Variants in RNF138 observed in about 807,000 individuals in gnomAD.
RNF138 encodes the protein E3 ubiquitin-protein ligase RNF138.
RNF138 carries 12 observed loss-of-function variants against 31.0 expected under a neutral mutation model. The ratio of observed to expected loss-of-function variants is 0.39; its 90% confidence interval spans 0.25 to 0.63. The LOEUF is 0.63. RNF138 is among the 20% of genes least tolerant of loss of function. The pLI is 0.52. For missense variants in RNF138, 192 were observed against 300.1 expected (o/e 0.64, Z 2.66); for synonymous variants, 105 against 99.5 (o/e 1.06, Z -0.33).
chr18:32,092,420 G>C (rs1053263034), intron 1 of RNF138, among the ~76,000 whole-genome samples, 185 bp downstream of exon 1: 4 of 151,950 alleles, frequency 2.6e-5, no homozygotes, highest in Non-Finnish European at 5.9e-5. Context: ...CCCGCGCCTG[G>C]AGCCCGGTGA....
At chr18:32,126,829 T>G (rs2040391708) in intron 7 of RNF138, 29 bp downstream of exon 7, 1 of 1,295,688 alleles carries the variant, frequency 7.7e-7, no homozygotes, top group South Asian at 1.2e-5. Flanking sequence ...ATTAAGAAAG[T>G]ACTGTTTAAA....
At chr18:32,125,641 T>C (rs963182882) in intron 6 of RNF138, among the ~76,000 whole-genome samples, 1 of 152,200 alleles carries the variant, frequency 6.6e-6, no homozygotes, top group African/African-American at 2.4e-5. Flanking sequence ...TGTGAAAGAA[T>C]GTGCTTCAGG....
intron 2 of RNF138, among the ~76,000 whole-genome samples, chr18:32,098,699 A>G (rs898782119): frequency 7.2e-5 from 11 of 151,976 alleles, no homozygotes; most frequent in Admixed American, 5.9e-4. Flanking sequence ...AAAAATACAA[A>G]AAAATTAGCC....
rs2040214787 is a variant in RNF138, at chr18:32,116,251, CCTT to C, written c.392+2392_392+2394del. Reference sequence around the variant, plus strand: ...GCCAGCTGATTGACTTTTTTCTTCTCCTTGAAGACTTAGACCAAGTGTTAGCTA... The same window carrying C: ...GCCAGCTGATTGACTTTTTTCTTCTCGAAGACTTAGACCAAGTGTTAGCTA... On this transcript the variant is annotated intron_variant, in intron 4 of 7. Coordinates refer to ENST00000261593, the MANE Select transcript of RNF138 (RefSeq NM_016271.5). Among the ~76,000 whole-genome samples, 3 of 152,228 alleles carry C rather than the reference CCTT, an allele frequency of 2.0e-5. No homozygotes were observed. The South Asian group carries it at 6.2e-4, about 32-fold the overall frequency.
intron 2 of RNF138, among the ~76,000 whole-genome samples, chr18:32,107,677 T>C (rs2040057585): frequency 6.6e-6 from 1 of 150,886 alleles, no homozygotes. Flanking sequence ...TGTGCCACCA[T>C]GCCTGGCTAA....
rs1399417843 is a variant in RNF138, at chr18:32,092,729, C to T, written c.-48C>T. The stretch of plus-strand genomic sequence containing the variant: ...TCGGGCCCCGGGCCGCCACCGTCAC[C>T]TCGGCCGCTGCCGCTGTCGCCATCG... On this transcript the variant is annotated 5_prime_UTR_variant, in exon 2 of 8. Coordinates refer to ENST00000261593, the MANE Select transcript of RNF138 (RefSeq NM_016271.5). The T allele has an allele frequency of 6.9e-6, 9 of 1,300,400 alleles. No homozygotes were observed. In the South Asian group the frequency reaches 7.7e-5, roughly 11 times the overall value. The allele number at this position is 1,300,400 out of a possible 1,614,324, so 80.6% of individuals were successfully genotyped here.
At chr18:32,094,220 A>C (rs1598841482) in intron 2 of RNF138, among the ~76,000 whole-genome samples, 1 of 144,182 alleles carries the variant, frequency 6.9e-6, no homozygotes, top group Non-Finnish European at 1.5e-5. Context: ...TTTTTTTTTG[A>C]GGTGAGGTTC....
chr18:32,119,485 C>T (rs1442685107), intron 4 of RNF138, among the ~76,000 whole-genome samples: 3 of 152,064 alleles, frequency 2.0e-5, no homozygotes, highest in East Asian at 1.9e-4. Flanking sequence ...AGTGCAATGG[C>T]GTGATCTCAG....
In RNF138 at chr18:32,129,847, T is replaced by A. The variant is rs1383771942; in HGVS notation, c.*660T>A. On this transcript the variant is annotated 3_prime_UTR_variant, in exon 8 of 8. Coordinates refer to ENST00000261593, the MANE Select transcript of RNF138 (RefSeq NM_016271.5). ...GGAAATACAAAGAGAAAAATTTCTT[T>A]CTTTCATGGGCATTTGATAATTTCA... The A allele has an allele frequency of 6.6e-5, 10 of 152,460 alleles. No homozygotes were observed. The East Asian group carries it at 1.9e-3, about 29-fold the overall frequency. 9.4% of individuals were successfully genotyped at this position (152,460 alleles called of 1,614,324 possible).
chr18:32,094,071 G>A (rs2039760650), intron 2 of RNF138, among the ~76,000 whole-genome samples: 1 of 152,272 alleles, frequency 6.6e-6, no homozygotes, highest in Admixed American at 6.5e-5. Flanking sequence ...GATTAAAGGC[G>A]TGAGCCACCG....
intron 2 of RNF138, among the ~76,000 whole-genome samples, chr18:32,101,334 T>C (rs1474410584): frequency 6.6e-6 from 1 of 151,348 alleles, no homozygotes. Flanking sequence ...TTCTTCTACC[T>C]CAGTCTTCTG....
At chr18:32,122,184 C>A (rs2040317271) in intron 4 of RNF138, among the ~76,000 whole-genome samples, 1 of 151,996 alleles carries the variant, frequency 6.6e-6, no homozygotes, top group Non-Finnish European at 1.5e-5. Flanking sequence ...TGTATTTTAA[C>A]AGTGAAGTCT....
At position 32,129,829 on chromosome 18, in the gene RNF138, C is replaced by A. The variant is rs969406077; in HGVS notation, c.*642C>A. 2.6e-5 allele frequency: 4 copies of A among 152,552 alleles called. No individual in the cohort carries two copies. Among genetic ancestry groups the A allele is most frequent in the African/African-American group, 9.6e-5 (4 of 41,558 alleles). The allele number at this position is 152,552 out of a possible 1,614,324, so 9.4% of individuals were successfully genotyped here. On this transcript the variant is annotated 3_prime_UTR_variant, in exon 8 of 8. Transcript: ENST00000261593. Reference sequence around the variant, plus strand: ...TTCTTTTTGTTATTAGAAGGAAATACAAAGAGAAAAATTTCTTTCTTTCAT... The same window carrying A: ...TTCTTTTTGTTATTAGAAGGAAATAAAAAGAGAAAAATTTCTTTCTTTCAT...
chr18:32,097,770 G>A (rs956234096), intron 2 of RNF138, among the ~76,000 whole-genome samples: 11 of 151,968 alleles, frequency 7.2e-5, no homozygotes, highest in African/African-American at 2.4e-4. Flanking sequence ...TGATCTGCCC[G>A]CCTTGGCCTC....
chr18:32,100,538 C>T (rs1277116326), intron 2 of RNF138, among the ~76,000 whole-genome samples: 2 of 139,498 alleles, frequency 1.4e-5, no homozygotes, highest in East Asian at 4.3e-4. Flanking sequence ...TGCAATGGCG[C>T]GATCTCGGCT....
At chr18:32,119,268 T>TA (rs2040265338) in intron 4 of RNF138, among the ~76,000 whole-genome samples, 1 of 152,188 alleles carries the variant, frequency 6.6e-6, no homozygotes, top group Admixed American at 6.5e-5. Context: ...TCTCTCATTT[T>TA]ACTATTTATT....
intron 4 of RNF138, among the ~76,000 whole-genome samples, chr18:32,118,841 A>AAT: frequency 6.6e-6 from 1 of 152,108 alleles, no homozygotes; most frequent in African/African-American, 2.4e-5. Context: ...AAAAAAAAGA[A>AAT]AATAATAATA....
chr18:32,122,895 T>C (rs1345068119), intron 4 of RNF138, among the ~76,000 whole-genome samples: 1 of 152,166 alleles, frequency 6.6e-6, no homozygotes, highest in Non-Finnish European at 1.5e-5. Context: ...CAGGTGACGG[T>C]CCCTGTATGG....
intron 4 of RNF138, among the ~76,000 whole-genome samples, chr18:32,116,654 C>G (rs1881679922): frequency 6.6e-6 from 1 of 151,946 alleles, no homozygotes; most frequent in African/African-American, 2.4e-5. Context: ...TGGGCTCAAG[C>G]AGTCCTTCTG....
Sources: allele counts gnomAD v4.1 joint callset (sites outside exome capture counted in the v4.1 genomes callset), GRCh38; gene constraint gnomAD v4.1.1; transcripts MANE v1.5; gene names NCBI Gene and HGNC (gene_info 2026-07-23, HGNC 2026-07-21).